Variants in ZNF626 observed in about 807,000 individuals in gnomAD.
ZNF626 encodes the protein CTC-513N18.7.
A neutral mutation model predicts 11.7 loss-of-function variants in ZNF626; 4 were observed. The observed-to-expected ratio is 0.34, with a 90% CI of 0.17 to 0.78. The LOEUF is 0.78. ZNF626 is among the 30% of genes least tolerant of loss of function. ZNF626 has a pLI of 0.57. For synonymous variants in ZNF626, 179 were observed against 198.6 expected (o/e 0.90, Z 0.83); for missense variants, 588 against 587.1 (o/e 1.00, Z -0.01).
In ZNF626 at chr19:20,623,977, G is replaced by T. The variant is rs1969787165; in HGVS notation, c.*313C>A. The stretch of plus-strand genomic sequence containing the variant: ...TCATATCAATTCTTAGTTAGAAATT[G>T]AGGGCTGGTTAAAAGATTTTCCCCA... On this transcript the variant is annotated 3_prime_UTR_variant, in exon 4 of 4. Coordinates refer to ENST00000601440, the MANE Select transcript of ZNF626 (RefSeq NM_001076675.3). 3 of 511,268 alleles carry T rather than the reference G, an allele frequency of 5.9e-6. No individual in the cohort carries two copies. The highest frequency in any genetic ancestry group is 7.2e-6 in the Non-Finnish European group (2 of 278,874). The allele number at this position is 511,268 out of a possible 1,614,324, so 31.7% of individuals were successfully genotyped here.
chr19:20,661,178 C>T (rs1266053412), intron 1 of ZNF626, among the ~76,000 whole-genome samples: 1 of 149,986 alleles, frequency 6.7e-6, no homozygotes, highest in Non-Finnish European at 1.5e-5. Context: ...CTGGGAGAGA[C>T]GCCACGCTGC....
chr19:20,635,341 A>G (rs1555770812), intron 3 of ZNF626, among the ~76,000 whole-genome samples: 1 of 152,194 alleles, frequency 6.6e-6, no homozygotes, highest in African/African-American at 2.4e-5. Context: ...ATATTTAGAA[A>G]TATATACTTG....
intron 1 of ZNF626, among the ~76,000 whole-genome samples, chr19:20,659,015 G>C (rs1555773419): frequency 6.6e-6 from 1 of 152,176 alleles, no homozygotes; most frequent in African/African-American, 2.4e-5. Context: ...AGAACAAAGA[G>C]ATGGGGAAAG....
rs1026984035 is a variant in ZNF626 at position 20,619,965 on chromosome 19, T to C, written c.*4325A>G. 1.4e-4 allele frequency: 21 copies of C among 152,218 alleles called. No individual in the cohort carries two copies. Among genetic ancestry groups the C allele is most frequent in the African/African-American group, 4.6e-4 (19 of 41,458 alleles). 9.4% of individuals were successfully genotyped at this position (152,218 alleles called of 1,614,324 possible). ...AATAACTACTTTCCAGTTTTATTCA[T>C]TACAAATATTAACTAACATCTTTTT... On this transcript the variant is annotated 3_prime_UTR_variant, in exon 4 of 4. Coordinates refer to ENST00000601440, the MANE Select transcript of ZNF626 (RefSeq NM_001076675.3).
At chr19:20,633,760 C>G (rs1555770640) in intron 3 of ZNF626, among the ~76,000 whole-genome samples, 1 of 152,226 alleles carries the variant, frequency 6.6e-6, no homozygotes, top group African/African-American at 2.4e-5. Context: ...ATGCCTCGCC[C>G]TGCTTTGGCT....
Position 20,625,110 on chromosome 19 carries a change from G to A in ZNF626, c.767C>T (p.Pro256Leu). 2 of 1,613,030 alleles carry A rather than the reference G, an allele frequency of 1.2e-6. No individual in the cohort carries two copies. Among genetic ancestry groups the A allele is most frequent in the Non-Finnish European group, 1.7e-6 (2 of 1,179,740 alleles). The change falls in exon 4 of 4, where the codon CCC becomes CTC. Residue 256 changes from proline to leucine, a missense_variant. Transcript: ENST00000601440. ...TTTGCCACATTTATCACACTTGTAGGGTTTCTCTCCAGTATGATTTCTCTT... is the reference window on the plus strand; with the variant it reads ...TTTGCCACATTTATCACACTTGTAGAGTTTCTCTCCAGTATGATTTCTCTT... ...THKRNHTGEK[P>L]YKCDKCGKAF...
intron 3 of ZNF626, among the ~76,000 whole-genome samples, chr19:20,637,133 C>A (rs1011672321): frequency 6.6e-6 from 1 of 151,212 alleles, no homozygotes; most frequent in Non-Finnish European, 1.5e-5. Flanking sequence ...AAAACAAAAT[C>A]GAAATGATTA....
intron 1 of ZNF626, among the ~76,000 whole-genome samples, chr19:20,648,359 TTTC>T (rs137973666): frequency 0.097 from 14,127 of 146,116 alleles, 994 homozygotes; most frequent in African/African-American, 0.19. Context: ...AAATAAGCAT[TTTC>T]TTCTTCTTCT....
Position 20,623,962 on chromosome 19 carries a change from T to TCA in ZNF626, c.*327_*328insTG. On this transcript the variant is annotated 3_prime_UTR_variant, in exon 4 of 4. Transcript: ENST00000601440. ...TGTAGAGTTTATATTTCATATCAAT[T>TCA]CTTAGTTAGAAATTGAGGGCTGGTT... 1 of 367,344 alleles carries TCA rather than the reference T, an allele frequency of 2.7e-6. No homozygotes were observed. Among genetic ancestry groups the TCA allele is most frequent in the Non-Finnish European group, 5.0e-6 (1 of 199,562 alleles). 22.8% of individuals were successfully genotyped at this position (367,344 alleles called of 1,614,324 possible).
At chr19:20,637,257 G>A (rs929664277) in intron 3 of ZNF626, among the ~76,000 whole-genome samples, 7 of 152,068 alleles carry the variant, frequency 4.6e-5, no homozygotes, top group African/African-American at 9.7e-5. Context: ...GGAAGGCCAA[G>A]GGGGGAATCA....
chr19:20,624,961 TTA>T lies in ZNF626; in HGVS notation c.914_915del (p.Ile305AsnfsTer11). On this transcript the variant is annotated frameshift_variant, in exon 4 of 4. Coordinates refer to ENST00000601440, the MANE Select transcript of ZNF626 (RefSeq NM_001076675.3). LOFTEE classifies it low-confidence loss of function (END_TRUNC). ...NRSSTLTTHK[I>X]IHTGEKPYKC... ...TTGTAGGGTTTTTCTCCAGTATGAA[TTA>T]TCTTATGTGTAGTAAGGGTTGAGGA... is the stretch of plus-strand genomic sequence containing the variant. 6.2e-7 allele frequency: 1 copy of T among 1,613,850 alleles called. No individual in the cohort carries two copies. The highest frequency in any genetic ancestry group is 1.1e-5 in the South Asian group (1 of 91,022).
rs782597087 is a variant in ZNF626, at chr19:20,646,416, C to A, written c.4-11G>T. ...AAATTGCAATGGTCCCTGAAAAACA[C>A]ACACACACACATTTTTACCAAGTGG... On this transcript the variant is annotated splice_polypyrimidine_tract_variant and intron_variant, in intron 1 of 3. Transcript: ENST00000601440. 2.6e-5 allele frequency: 42 copies of A among 1,612,522 alleles called. No individual in the cohort carries two copies. In the East Asian group the frequency reaches 9.4e-4, roughly 36 times the overall value.
Position 20,620,396 on chromosome 19 carries a change from T to C in ZNF626, c.*3894A>G, listed in dbSNP as rs1366646. 120,832 of 152,144 alleles carry C rather than the reference T, an allele frequency of 0.79. 48,917 individuals carry two copies. The highest frequency in any genetic ancestry group is 0.87 in the Non-Finnish European group (59,236 of 68,010). The allele number at this position is 152,144 out of a possible 1,614,324, so 9.4% of individuals were successfully genotyped here. A position where few individuals can be genotyped will look rare whatever the true frequency, so the allele number is the denominator to read the frequency against. ...CAAATGCATATTTACCAAACACTCA[T>C]TTCATAATTTTCTTACACCTAAGGT... On this transcript the variant is annotated 3_prime_UTR_variant, in exon 4 of 4. Transcript: ENST00000601440.
At chr19:20,632,431 G>C (rs1309194286) in intron 3 of ZNF626, among the ~76,000 whole-genome samples, 1 of 152,160 alleles carries the variant, frequency 6.6e-6, no homozygotes, top group Admixed American at 6.5e-5. Flanking sequence ...ACACCAATCA[G>C]ATGTAGATTT....
Position 20,625,517 on chromosome 19 carries a change from C to T in ZNF626, c.360G>A (p.Val120=). The change falls in exon 4 of 4, where the codon GTG becomes GTA. Residue 120 remains valine (V), a synonymous_variant. Coordinates refer to ENST00000601440, the MANE Select transcript of ZNF626 (RefSeq NM_001076675.3). ...NLQLKKGCIS[V]DECKVHKEGY... ...CTTCTTTGTGCACCTTACACTCATCCACACTTATACATCCTTTTTTTAACT... is the reference window on the plus strand; with the variant it reads ...CTTCTTTGTGCACCTTACACTCATCTACACTTATACATCCTTTTTTTAACT... 6.2e-7 allele frequency: 1 copy of T among 1,613,852 alleles called. No homozygotes were observed. The highest frequency in any genetic ancestry group is 8.5e-7 in the Non-Finnish European group (1 of 1,179,942).
Position 20,625,169 on chromosome 19 carries a change from T to G in ZNF626, c.708A>C (p.Lys236Asn). The change falls in exon 4 of 4, where the codon AAA becomes AAC. Residue 236 changes from lysine (K) to asparagine (N), a missense_variant. Lys to Asn is a moderately conservative substitution (Grantham distance 94). Coordinates refer to ENST00000601440, the MANE Select transcript of ZNF626 (RefSeq NM_001076675.3). ...TAAGAGTGGAGGAGTGCTTAAAGGCTTTGCCACATTCTTCACATTTGTAGG... is the reference window on the plus strand; with the variant it reads ...TAAGAGTGGAGGAGTGCTTAAAGGCGTTGCCACATTCTTCACATTTGTAGG... ...EKPYKCEECG[K>N]AFKHSSTLTT... 1.2e-6 allele frequency: 2 copies of G among 1,613,238 alleles called. No homozygotes were observed. Among genetic ancestry groups the G allele is most frequent in the Non-Finnish European group, 1.7e-6 (2 of 1,179,942 alleles).
intron 1 of ZNF626, among the ~76,000 whole-genome samples, chr19:20,651,492 T>C (rs1041124619): frequency 2.0e-5 from 3 of 152,080 alleles, no homozygotes; most frequent in Non-Finnish European, 4.4e-5. Flanking sequence ...ATCATCCCAG[T>C]ACCAGGAAAC....
At chr19:20,630,553 T>C (rs1384582878) in intron 3 of ZNF626, among the ~76,000 whole-genome samples, 3 of 152,202 alleles carry the variant, frequency 2.0e-5, no homozygotes, top group Non-Finnish European at 2.9e-5. Flanking sequence ...CTAGATTTTC[T>C]AGTTTATTTG....
chr19:20,647,952 G>A (rs1248506891), intron 1 of ZNF626, among the ~76,000 whole-genome samples: 5 of 151,902 alleles, frequency 3.3e-5, no homozygotes, highest in African/African-American at 4.8e-5. Context: ...AGGCTGCGGC[G>A]GGAGGATCAC....
Sources: allele counts gnomAD v4.1 joint callset (sites outside exome capture counted in the v4.1 genomes callset), GRCh38; gene constraint gnomAD v4.1.1; transcripts MANE v1.5; gene names NCBI Gene and HGNC (gene_info 2026-07-23, HGNC 2026-07-21).